The following SBK1 variants were observed in gnomAD, a reference collection of about 807,000 sequenced individuals.
SBK1 encodes SH3 domain binding kinase 1, also known as serine/threonine-protein kinase SBK1.
In SBK1, 11 loss-of-function variants were observed where a neutral mutation model predicts 24.4. The ratio of observed to expected loss-of-function variants is 0.45; its 90% CI spans 0.28 to 0.75. SBK1 has a LOEUF of 0.75. Ranked by LOEUF, SBK1 falls within the 30% of genes least tolerant of loss-of-function variation. SBK1 has a pLI of 0.12. For synonymous variants in SBK1, 308 were observed against 284.4 expected (o/e 1.08, Z -0.83); for missense variants, 467 against 620.5 (o/e 0.75, Z 2.63).
intron 1 of SBK1, among the ~76,000 whole-genome samples, chr16:28,263,183 A>C (rs1240630433): frequency 6.6e-6 from 1 of 152,218 alleles, no homozygotes; most frequent in Non-Finnish European, 1.5e-5. Context: ...TCATTCATTC[A>C]TTCACTCAAC....
At chr16:28,315,968 A>G (rs1353220831) in intron 1 of SBK1, among the ~76,000 whole-genome samples, 3 of 152,028 alleles carry the variant, frequency 2.0e-5, no homozygotes, top group East Asian at 1.9e-4. Flanking sequence ...GTTCCGCCAC[A>G]TTGACCAGTC....
intron 1 of SBK1, among the ~76,000 whole-genome samples, chr16:28,275,440 A>G (rs973456722): frequency 2.0e-5 from 3 of 152,190 alleles, no homozygotes; most frequent in African/African-American, 7.2e-5. Flanking sequence ...AATAATAAGA[A>G]CAAACAAAAG....
At chr16:28,270,087 A>G (rs939160057) in intron 1 of SBK1, among the ~76,000 whole-genome samples, 6 of 152,128 alleles carry the variant, frequency 3.9e-5, no homozygotes, top group Admixed American at 1.3e-4. Context: ...TTTTTTTGAG[A>G]CACAGTCTTG....
At position 28,317,170 on chromosome 16, in the gene SBK1, G is replaced by T. The variant is rs2044802797; in HGVS notation, c.-7-215G>T. Among the ~76,000 whole-genome samples the T allele has an allele frequency of 6.6e-6, 1 of 152,220 alleles. No homozygotes were observed. Among genetic ancestry groups the T allele is most frequent in the South Asian group, 2.1e-4 (1 of 4,836 alleles). ...CTGGTGCCACCAAGCGCAGGGTCTG[G>T]CAGTGACTGGTCTTCGGGGAGCTGA... is the stretch of plus-strand genomic sequence containing the variant. On this transcript the variant is annotated intron_variant, in intron 1 of 3. Coordinates refer to ENST00000341901, the MANE Select transcript of SBK1 (RefSeq NM_001024401.3). The surrounding 1 kb of genome is among the most constrained non-coding windows in gnomAD (Gnocchi z 4.2).
chr16:28,266,360 C>T (rs1468273891), intron 1 of SBK1, among the ~76,000 whole-genome samples: 4 of 151,960 alleles, frequency 2.6e-5, no homozygotes, highest in Non-Finnish European at 5.9e-5. Context: ...AAGGGAGACC[C>T]TGTCTCTTAC....
At chr16:28,297,712 C>G (rs982469690) in intron 1 of SBK1, among the ~76,000 whole-genome samples, 3 of 152,172 alleles carry the variant, frequency 2.0e-5, no homozygotes, top group Admixed American at 6.5e-5. Context: ...TATCCCATAT[C>G]AAAAATGCTC....
intron 1 of SBK1, among the ~76,000 whole-genome samples, chr16:28,277,812 GAC>G (rs1220511645): frequency 6.6e-6 from 1 of 152,160 alleles, no homozygotes; most frequent in Non-Finnish European, 1.5e-5. Context: ...CAGAGACAGA[GAC>G]AGAGCGCGCG....
At position 28,315,622 on chromosome 16, in the gene SBK1, G is replaced by A. The variant is rs576804422; in HGVS notation, c.-7-1763G>A. 1.2e-3 allele frequency among the ~76,000 whole-genome samples: 181 copies of A among 152,232 alleles called. 7 individuals carry two copies. Among genetic ancestry groups the A allele is most frequent in the Middle Eastern group, 3.4e-3 (1 of 294 alleles). Reference sequence around the variant, plus strand: ...CAAAAAATTTAAACATCAGCCAGATGTGGTGGCGCATGCTTGCAGTCCCAG... The same window carrying A: ...CAAAAAATTTAAACATCAGCCAGATATGGTGGCGCATGCTTGCAGTCCCAG... On this transcript the variant is annotated intron_variant, in intron 1 of 3. Transcript: ENST00000341901.
At chr16:28,279,660 C>G (rs2044517524) in intron 1 of SBK1, among the ~76,000 whole-genome samples, 1 of 152,014 alleles carries the variant, frequency 6.6e-6, no homozygotes, top group Admixed American at 6.5e-5. Flanking sequence ...AAGACAAAGC[C>G]CAGGGGCCCC....
At chr16:28,301,682 C>T (rs1301177821) in intron 1 of SBK1, among the ~76,000 whole-genome samples, 4 of 152,210 alleles carry the variant, frequency 2.6e-5, no homozygotes, top group African/African-American at 9.7e-5. Flanking sequence ...AACAGAAAAC[C>T]AAGGCACAGT....
chr16:28,296,895 G>A lies in SBK1; in HGVS notation c.-8+3595G>A, dbSNP rs963100005. On this transcript the variant is annotated intron_variant, in intron 1 of 3. Coordinates refer to ENST00000341901, the MANE Select transcript of SBK1 (RefSeq NM_001024401.3). ...GGGCAGGGCTACTGTCCAGGGTTCC[G>A]TTCACCCCTCTGTCCACAGAAGAAC... 1.4e-4 allele frequency among the ~76,000 whole-genome samples: 22 copies of A among 152,262 alleles called. No homozygotes were observed. In the South Asian group the frequency reaches 1.9e-3, roughly 13 times the overall value.
intron 1 of SBK1, among the ~76,000 whole-genome samples, chr16:28,299,705 C>T (rs978067211): frequency 5.9e-5 from 9 of 152,172 alleles, no homozygotes; most frequent in African/African-American, 1.9e-4. Context: ...TGAGTCTGAT[C>T]GGGTCAGGTT....
intron 1 of SBK1, among the ~76,000 whole-genome samples, chr16:28,268,796 C>T (rs1038848802): frequency 6.6e-5 from 10 of 151,908 alleles, no homozygotes; most frequent in Non-Finnish European, 7.4e-5. Context: ...AAGAGCTAGG[C>T]AGCCACTTTG....
intron 1 of SBK1, among the ~76,000 whole-genome samples, chr16:28,263,772 C>A (rs536229468): frequency 1.3e-5 from 2 of 152,090 alleles, no homozygotes; most frequent in Non-Finnish European, 2.9e-5. Context: ...AGGACGCCAA[C>A]GTGGAGGTCA....
At chr16:28,308,132 G>A (rs1051957875) in intron 1 of SBK1, among the ~76,000 whole-genome samples, 3 of 152,256 alleles carry the variant, frequency 2.0e-5, no homozygotes, top group African/African-American at 4.8e-5. Flanking sequence ...AGGTGGACAC[G>A]CTGAGGTTCA....
At chr16:28,308,869 C>T (rs1213759387) in intron 1 of SBK1, among the ~76,000 whole-genome samples, 1 of 151,746 alleles carries the variant, frequency 6.6e-6, no homozygotes, top group Admixed American at 6.6e-5. Flanking sequence ...ACTGCAGCCT[C>T]GAACTCCTGA....
At chr16:28,288,243 C>T (rs961609014), upstream of SBK1, among the ~76,000 whole-genome samples, 4 of 152,190 alleles carry the variant, frequency 2.6e-5, no homozygotes, top group African/African-American at 9.7e-5. Flanking sequence ...CACGAACAGA[C>T]GCGCCTTAGT....
At chr16:28,304,096 A>G (rs1206517312) in intron 1 of SBK1, among the ~76,000 whole-genome samples, 1 of 152,246 alleles carries the variant, frequency 6.6e-6, no homozygotes, top group Non-Finnish European at 1.5e-5. Flanking sequence ...TGCACATGGC[A>G]AAATGACTTC....
intron 1 of SBK1, among the ~76,000 whole-genome samples, chr16:28,315,746 G>A (rs2044790409): frequency 6.6e-6 from 1 of 152,114 alleles, no homozygotes; most frequent in Non-Finnish European, 1.5e-5. Context: ...GGGCAACAGA[G>A]CAAGACCCTG....
Sources: gnomAD v4.1 joint callset for allele counts (sites outside exome capture counted in the v4.1 genomes callset) on GRCh38, gnomAD v4.1.1 for gene constraint, Gnocchi (gnomAD v3.1) non-coding constraint, MANE v1.5 for transcripts, NCBI Gene and HGNC (gene_info 2026-07-23, HGNC 2026-07-21) for gene names.